The following UBR3 variants were observed in gnomAD, a reference collection of about 807,000 sequenced individuals.
The protein encoded by UBR3 is ubiquitin protein ligase E3 component n-recognin 3, also known as E3 ubiquitin-protein ligase UBR3.
A neutral mutation model predicts 243.2 loss-of-function variants in UBR3; 85 were observed. The observed-to-expected ratio is 0.35, with a 90% confidence interval of 0.29 to 0.42. The LOEUF (loss-of-function observed/expected upper bound fraction) is 0.42, where lower values mean the gene tolerates loss of function less well. Ranked by LOEUF, UBR3 falls within the 10% of genes least tolerant of loss-of-function variation. The pLI, the probability that UBR3 is intolerant of heterozygous loss-of-function variation, is 1.00. For missense variants in UBR3, 1,686 were observed against 2,300.8 expected, an observed-to-expected ratio of 0.73 and a Z score of 5.47; for synonymous variants, 748 against 799.8, an observed-to-expected ratio of 0.94 and a Z score of 1.09.
intron 36 of UBR3, among the ~76,000 whole-genome samples, chr2:170,079,172 CT>C (rs372642888): frequency 4.6e-4 from 70 of 152,252 alleles, no homozygotes; most frequent in African/African-American, 1.6e-3. Context: ...TTTTATACAG[CT>C]GCAAATAGTT....
intron 33 of UBR3, among the ~76,000 whole-genome samples, chr2:170,057,570 A>G (rs1034312660): frequency 6.6e-6 from 1 of 152,212 alleles, no homozygotes; most frequent in African/African-American, 2.4e-5. Flanking sequence ...CTAATCATGA[A>G]AAATAACACA....
chr2:170,052,924 T>C lies in UBR3; in HGVS notation c.4661-2536T>C, dbSNP rs542109715. ...ACTTGATGTGACCATCATTTCACAGTGTATGCTTATATCAAAACTACATTG... is the reference window on the plus strand; with the variant it reads ...ACTTGATGTGACCATCATTTCACAGCGTATGCTTATATCAAAACTACATTG... On this transcript the variant is annotated intron_variant, in intron 32 of 38. Transcript: ENST00000272793. 2.0e-5 allele frequency among the ~76,000 whole-genome samples: 3 copies of C among 152,352 alleles called. No homozygotes were observed. In the East Asian group the frequency reaches 5.8e-4, roughly 29 times the overall value.
intron 10 of UBR3, among the ~76,000 whole-genome samples, chr2:169,908,237 C>A (rs2085095509): frequency 6.6e-6 from 1 of 152,170 alleles, no homozygotes; most frequent in African/African-American, 2.4e-5. Context: ...TATGCATAAG[C>A]CCCAGTGTCA....
At chr2:169,986,912 G>C in intron 25 of UBR3, 118 bp downstream of exon 25, 1 of 1,099,782 alleles carries the variant, frequency 9.1e-7, no homozygotes. Context: ...CTAGGCAAGG[G>C]TCAGTTTAGA....
intron 11 of UBR3, among the ~76,000 whole-genome samples, chr2:169,921,255 A>G (rs2085685740): frequency 1.3e-5 from 2 of 152,168 alleles, no homozygotes; most frequent in Admixed American, 6.5e-5. Context: ...TGTTCAGTAG[A>G]CACCTGAATG....
chr2:169,849,137 G>C (rs1430748583), intron 1 of UBR3, among the ~76,000 whole-genome samples: 1 of 152,190 alleles, frequency 6.6e-6, no homozygotes. Flanking sequence ...CAGATGAGGA[G>C]AGGTCTTTCA....
chr2:169,835,998 TCTCTCTCTCTCTCTCTCTCTCTCTCTC>T (rs2082077920), intron 1 of UBR3, among the ~76,000 whole-genome samples: 1 of 32,096 alleles, frequency 3.1e-5, no homozygotes, highest in Non-Finnish European at 6.5e-5. Flanking sequence ...GCACTGTCTC[TCTCTCTCTCTCTCTCTCTCTCTCTCTC>T]TCTCTCTCTC....
intron 17 of UBR3, among the ~76,000 whole-genome samples, 171 bp from the exon 18 acceptor site, chr2:169,928,556 A>G (rs1477334040): frequency 3.9e-5 from 6 of 152,228 alleles, no homozygotes; most frequent in Non-Finnish European, 5.9e-5. Context: ...ATCACAATTA[A>G]AAACAGTTAT....
chr2:170,078,575 T>G (rs1395824780), intron 36 of UBR3, among the ~76,000 whole-genome samples: 13 of 152,236 alleles, frequency 8.5e-5, no homozygotes, highest in Admixed American at 7.9e-4. Context: ...TTTGTAAATT[T>G]CATGAATTTC....
intron 26 of UBR3, 87 bp downstream of exon 26, chr2:169,994,543 G>T: frequency 7.1e-7 from 1 of 1,417,210 alleles, no homozygotes; most frequent in Non-Finnish European, 9.6e-7. Flanking sequence ...TACCAAAATG[G>T]CATTCTGATG....
intron 31 of UBR3, among the ~76,000 whole-genome samples, chr2:170,034,233 A>G (rs1468602732): frequency 6.6e-6 from 1 of 151,950 alleles, no homozygotes; most frequent in Non-Finnish European, 1.5e-5. Flanking sequence ...GCTGTTGAAG[A>G]TTCTGTAGGT....
intron 36 of UBR3, chr2:170,077,329 C>G: frequency 1.2e-6 from 1 of 831,042 alleles, no homozygotes; most frequent in Non-Finnish European, 2.1e-6. Flanking sequence ...CAAGGCCCAA[C>G]TCACATTCAC....
intron 5 of UBR3, among the ~76,000 whole-genome samples, chr2:169,882,483 G>A (rs1331947186): frequency 2.7e-5 from 4 of 150,274 alleles, no homozygotes; most frequent in African/African-American, 7.3e-5. Flanking sequence ...GCCCATAACT[G>A]TAATCCCAGC....
At chr2:169,943,359 T>C (rs2086663142) in intron 20 of UBR3, among the ~76,000 whole-genome samples, 1 of 152,088 alleles carries the variant, frequency 6.6e-6, no homozygotes, top group Non-Finnish European at 1.5e-5. Flanking sequence ...TCCCAGCACT[T>C]TGGGAGGCTG....
chr2:169,989,660 A>G (rs2105390774), intron 25 of UBR3, among the ~76,000 whole-genome samples: 1 of 152,312 alleles, frequency 6.6e-6, no homozygotes, highest in African/African-American at 2.4e-5. Context: ...CAGATTACAC[A>G]GGAAAGGCAG....
chr2:169,929,677 G>A (rs1042194345), intron 18 of UBR3, among the ~76,000 whole-genome samples: 2 of 152,174 alleles, frequency 1.3e-5, no homozygotes, highest in Non-Finnish European at 2.9e-5. Flanking sequence ...GATTGGTTTT[G>A]GAAGGTTTCT....
intron 24 of UBR3, among the ~76,000 whole-genome samples, chr2:169,972,761 A>C (rs1012226085): frequency 3.9e-5 from 6 of 151,904 alleles, no homozygotes; most frequent in Non-Finnish European, 8.8e-5. Flanking sequence ...GATGGGACGT[A>C]TCTCAAAATA....
At chr2:169,963,633 C>G (rs2087679207) in intron 24 of UBR3, among the ~76,000 whole-genome samples, 1 of 151,828 alleles carries the variant, frequency 6.6e-6, no homozygotes, top group Non-Finnish European at 1.5e-5. Flanking sequence ...AACAAAAGCA[C>G]TAAATTTTTT....
At chr2:169,953,999 G>A (rs1218291129) in intron 23 of UBR3, among the ~76,000 whole-genome samples, 6 of 152,078 alleles carry the variant, frequency 3.9e-5, no homozygotes, top group African/African-American at 1.4e-4. Flanking sequence ...TGTCCTTTGA[G>A]GATGGATTTA....
Sources: gnomAD v4.1 joint callset for allele counts (sites outside exome capture counted in the v4.1 genomes callset) on GRCh38, gnomAD v4.1.1 for gene constraint, MANE v1.5 for transcripts, NCBI Gene and HGNC (gene_info 2026-07-23, HGNC 2026-07-21) for gene names.